SOX5: variants seen among roughly 807,000 people sequenced by gnomAD.
SOX5 encodes transcription factor SOX-5.
SOX5 carries 9 observed loss-of-function variants against 92.0 expected under a neutral mutation model. The ratio of observed to expected loss-of-function variants is 0.10; its 90% CI spans 0.06 to 0.17. The LOEUF is 0.17. Ranked by LOEUF, SOX5 falls within the 10% of genes least tolerant of loss-of-function variation. The pLI is 1.00. For missense variants in SOX5, 642 were observed against 944.5 expected, an observed-to-expected ratio of 0.68 and a Z score of 4.20; for synonymous variants, 344 against 336.3, an observed-to-expected ratio of 1.02 and a Z score of -0.25.
chr12:24,241,597 TCC>T (rs386761226), intron 3 of SOX5, among the ~76,000 whole-genome samples: 18,097 of 152,204 alleles, frequency 0.12, 1,311 homozygotes, highest in Admixed American at 0.18. Context: ...AAAACTCCAT[TCC>T]TAGTTTGCAG....
intron 2 of SOX5, among the ~76,000 whole-genome samples, chr12:24,354,870 A>C (rs1954600194): frequency 6.6e-6 from 1 of 152,226 alleles, no homozygotes; most frequent in African/African-American, 2.4e-5. Flanking sequence ...TCATGAAATA[A>C]GAGGCCCAAT....
At position 23,729,827 on chromosome 12, in the gene SOX5, G is replaced by A. The variant is rs146077194; in HGVS notation, c.810+4857C>T. On this transcript the variant is annotated intron_variant, in intron 6 of 14. Transcript: ENST00000451604. Reference sequence around the variant, plus strand: ...AGATTTCATGCTAGAACGCATTGTCGGATTAGCCCTATTAGTTGCTGTAAA... The same window carrying A: ...AGATTTCATGCTAGAACGCATTGTCAGATTAGCCCTATTAGTTGCTGTAAA... Among the ~76,000 whole-genome samples the A allele has an allele frequency of 6.0e-3, 906 of 152,190 alleles. 9 individuals are homozygous for A. Among genetic ancestry groups the A allele is most frequent in the South Asian group, 0.024 (115 of 4,814 alleles).
At chr12:23,568,175 T>C (rs548631155) in intron 10 of SOX5, among the ~76,000 whole-genome samples, 14 of 152,132 alleles carry the variant, frequency 9.2e-5, no homozygotes, top group Admixed American at 8.5e-4. Flanking sequence ...CCCATAGAAA[T>C]AGGGGAGAAA....
chr12:23,659,966 GA>G (rs1295915420), intron 7 of SOX5, among the ~76,000 whole-genome samples: 1 of 151,578 alleles, frequency 6.6e-6, no homozygotes, highest in South Asian at 2.1e-4. Context: ...TCCAAAAAAT[GA>G]AAAAAAGAAA....
At chr12:23,703,544 T>C (rs184853242) in intron 6 of SOX5, among the ~76,000 whole-genome samples, 79 of 151,956 alleles carry the variant, frequency 5.2e-4, no homozygotes, top group African/African-American at 1.9e-3. Flanking sequence ...GAGAATGAAA[T>C]AAGGTAAAAT....
intron 1 of SOX5, among the ~76,000 whole-genome samples, chr12:23,928,711 T>C (rs1940666389): frequency 6.6e-6 from 1 of 151,906 alleles, no homozygotes; most frequent in East Asian, 1.9e-4. Context: ...GTAGGAAATA[T>C]ACCACTTTCA....
intron 4 of SOX5, among the ~76,000 whole-genome samples, chr12:23,746,404 C>T (rs61925680): frequency 0.15 from 23,261 of 152,090 alleles, 2,158 homozygotes; most frequent in Middle Eastern, 0.24. Flanking sequence ...CCTATGGAGA[C>T]ACAGTCATGT....
At chr12:24,058,454 C>A (rs538383433) in intron 4 of SOX5, among the ~76,000 whole-genome samples, 1 of 152,292 alleles carries the variant, frequency 6.6e-6, no homozygotes, top group South Asian at 2.1e-4. Flanking sequence ...TCGTAGGTAA[C>A]CCACTAGAAA....
chr12:23,799,050 C>T (rs187596842), intron 3 of SOX5, among the ~76,000 whole-genome samples: 286 of 152,060 alleles, frequency 1.9e-3, no homozygotes, highest in Non-Finnish European at 3.4e-3. Flanking sequence ...CATAGTAATA[C>T]TTACAAAAGG....
chr12:24,408,263 G>A (rs1478445564), intron 1 of SOX5, among the ~76,000 whole-genome samples: 7 of 152,186 alleles, frequency 4.6e-5, no homozygotes, highest in Admixed American at 4.6e-4. Context: ...TACAGAAAAT[G>A]TGATGCTTTC....
At chr12:24,176,279 T>C (rs1954801605) in intron 4 of SOX5, among the ~76,000 whole-genome samples, 1 of 151,856 alleles carries the variant, frequency 6.6e-6, no homozygotes, top group Non-Finnish European at 1.5e-5. Flanking sequence ...CAGTGAGCCA[T>C]GATCATACCA....
chr12:23,663,205 G>A (rs901565227), intron 7 of SOX5, among the ~76,000 whole-genome samples: 1 of 152,140 alleles, frequency 6.6e-6, no homozygotes, highest in African/African-American at 2.4e-5. Flanking sequence ...AGAGTTTGGT[G>A]TGATGCCAGT....
At chr12:23,683,571 G>T (rs1374370952) in intron 6 of SOX5, among the ~76,000 whole-genome samples, 1 of 151,846 alleles carries the variant, frequency 6.6e-6, no homozygotes, top group African/African-American at 2.4e-5. Flanking sequence ...TACCACACAT[G>T]AATTTAGGAA....
chr12:24,519,180 G>A (rs180867172), intron 1 of SOX5, among the ~76,000 whole-genome samples: 1 of 151,778 alleles, frequency 6.6e-6, no homozygotes, highest in Non-Finnish European at 1.5e-5. Context: ...TTCTTTTTCA[G>A]TATGTTCTTA....
intron 4 of SOX5, among the ~76,000 whole-genome samples, chr12:23,751,313 C>G (rs142526575): frequency 6.6e-6 from 1 of 151,910 alleles, no homozygotes; most frequent in African/African-American, 2.4e-5. Context: ...GATTACTATT[C>G]GTAAACCACA....
chr12:23,912,797 T>C (rs757205857), intron 1 of SOX5, among the ~76,000 whole-genome samples: 5 of 152,006 alleles, frequency 3.3e-5, no homozygotes, highest in Non-Finnish European at 7.4e-5. Flanking sequence ...AAAAATTGTA[T>C]AGAAAGTAGA....
At chr12:24,344,979 G>T (rs1310305009) in intron 2 of SOX5, among the ~76,000 whole-genome samples, 1 of 152,094 alleles carries the variant, frequency 6.6e-6, no homozygotes, top group Non-Finnish European at 1.5e-5. Context: ...AAGGATTAAA[G>T]AAATTCTTAT....
chr12:24,179,686 G>A (rs1221258563), intron 4 of SOX5, among the ~76,000 whole-genome samples: 1 of 152,146 alleles, frequency 6.6e-6, no homozygotes, highest in Non-Finnish European at 1.5e-5. Flanking sequence ...AGATAATTTT[G>A]CCCAGCTGTA....
intron 1 of SOX5, among the ~76,000 whole-genome samples, chr12:24,519,180 G>C (rs180867172): frequency 6.6e-6 from 1 of 151,778 alleles, no homozygotes; most frequent in Non-Finnish European, 1.5e-5. Flanking sequence ...TTCTTTTTCA[G>C]TATGTTCTTA....
Sources: gnomAD v4.1 joint callset for allele counts (sites outside exome capture counted in the v4.1 genomes callset) on GRCh38, gnomAD v4.1.1 for gene constraint, MANE v1.5 for transcripts, NCBI Gene and HGNC (gene_info 2026-07-23, HGNC 2026-07-21) for gene names.